The following DACH2 variants were observed in gnomAD, a reference collection of about 807,000 sequenced individuals.
DACH2 encodes dachshund homolog 2.
A neutral mutation model predicts 35.8 loss-of-function variants in DACH2; 17 were observed. The observed-to-expected ratio is 0.48, with a 90% CI of 0.33 to 0.71. The LOEUF (loss-of-function observed/expected upper bound fraction) is 0.71, where lower values mean the gene tolerates loss of function less well. Ranked by LOEUF, DACH2 falls within the 30% of genes least tolerant of loss-of-function variation. The probability of loss-of-function intolerance (pLI) is 0.02; values close to 1 mark genes in which losing one functional copy is unlikely to be tolerated. For synonymous variants in DACH2, 195 were observed against 177.3 expected, an observed-to-expected ratio of 1.10 and a Z score of -0.79; for missense variants, 469 against 472.7, an observed-to-expected ratio of 0.99 and a Z score of 0.07.
At chrX:86,556,498 T>C (rs1342850680) in intron 3 of DACH2, among the ~76,000 whole-genome samples, 2 of 109,218 alleles carry the variant, frequency 1.8e-5, no homozygotes, top group Non-Finnish European at 3.8e-5. Flanking sequence ...GTTCTAAATA[T>C]TGGCCAAAAG....
chrX:86,613,370 C>T (rs777639201), intron 3 of DACH2, among the ~76,000 whole-genome samples: 37 of 110,811 alleles, frequency 3.3e-4, no homozygotes, highest in African/African-American at 1.1e-3. Context: ...TTATGTTTAC[C>T]TTTACTCCGT....
chrX:86,525,469 T>G, intron 3 of DACH2, among the ~76,000 whole-genome samples: 1 of 111,957 alleles, frequency 8.9e-6, no homozygotes, highest in Non-Finnish European at 1.9e-5. Context: ...GTGGCTATAA[T>G]TTTTCCTTCT....
chrX:86,794,051 T>C (rs938470488), intron 7 of DACH2, among the ~76,000 whole-genome samples: 1 of 111,941 alleles, frequency 8.9e-6, no homozygotes, highest in African/African-American at 3.2e-5. Flanking sequence ...ACAGGTGCTA[T>C]GGGAAGCCAT....
intron 2 of DACH2, among the ~76,000 whole-genome samples, chrX:86,445,446 C>A (rs1177448021): frequency 1.1e-5 from 1 of 87,720 alleles, no homozygotes; most frequent in African/African-American, 4.2e-5. Context: ...CAGCATGGCA[C>A]ATGTATACAT....
In DACH2 at chrX:86,316,901, C is replaced by T. The variant is rs916518177; in HGVS notation, c.489-59923C>T. On this transcript the variant is annotated intron_variant, in intron 1 of 11. Transcript: ENST00000373125. The stretch of plus-strand genomic sequence containing the variant: ...TTGGGAGCCGGAGGCAGGTGGATCG[C>T]GAGGTCAGAAGTTCAATACCACCCT... 3.3e-4 allele frequency among the ~76,000 whole-genome samples: 36 copies of T among 110,406 alleles called. 1 individual carries two copies. Among genetic ancestry groups the T allele is most frequent in the African/African-American group, 9.9e-4 (30 of 30,225 alleles).
intron 1 of DACH2, among the ~76,000 whole-genome samples, chrX:86,251,129 A>G (rs1366578925): frequency 9.0e-6 from 1 of 110,904 alleles, no homozygotes; most frequent in Non-Finnish European, 1.9e-5. Context: ...ACCTTCCCTG[A>G]GCATAAAAAT....
intron 6 of DACH2, among the ~76,000 whole-genome samples, chrX:86,720,698 T>G (rs2041395226): frequency 8.9e-6 from 1 of 112,070 alleles, no homozygotes; most frequent in Non-Finnish European, 1.9e-5. Flanking sequence ...TAACATTCCA[T>G]GGTCTGGAAA....
At chrX:86,398,241 T>G (rs1370285657) in intron 2 of DACH2, among the ~76,000 whole-genome samples, 2 of 112,548 alleles carry the variant, frequency 1.8e-5, no homozygotes, top group African/African-American at 6.5e-5. Flanking sequence ...GATATCCCCT[T>G]TGTCATTTTT....
At chrX:86,749,333 G>A (rs189640107) in intron 7 of DACH2, among the ~76,000 whole-genome samples, 3 of 111,748 alleles carry the variant, frequency 2.7e-5, no homozygotes, top group Non-Finnish European at 1.9e-5. Flanking sequence ...TCCTTACTAA[G>A]CTTAATCATT....
chrX:86,754,112 C>T (rs2041803681), intron 7 of DACH2, among the ~76,000 whole-genome samples: 1 of 111,293 alleles, frequency 9.0e-6, no homozygotes, highest in Non-Finnish European at 1.9e-5. Flanking sequence ...AAGCAAGAAA[C>T]TAGAGATTAC....
At chrX:86,219,174 C>T (rs931565266) in intron 1 of DACH2, among the ~76,000 whole-genome samples, 2 of 111,683 alleles carry the variant, frequency 1.8e-5, no homozygotes, top group Non-Finnish European at 1.9e-5. Flanking sequence ...CCTTTAAGTG[C>T]GAACACTTCA....
intron 1 of DACH2, among the ~76,000 whole-genome samples, chrX:86,320,303 T>G (rs1245896572): frequency 8.9e-6 from 1 of 112,447 alleles, no homozygotes; most frequent in Non-Finnish European, 1.9e-5. Context: ...CACTTTCAAT[T>G]AAGCTGAGCG....
chrX:86,778,225 A>C (rs984975922), intron 7 of DACH2, among the ~76,000 whole-genome samples: 8 of 111,539 alleles, frequency 7.2e-5, no homozygotes, highest in African/African-American at 2.3e-4. Flanking sequence ...ACTGTTTTCC[A>C]TAATGGCTGT....
intron 2 of DACH2, among the ~76,000 whole-genome samples, chrX:86,400,845 C>T (rs1257055718): frequency 8.9e-6 from 1 of 112,359 alleles, no homozygotes; most frequent in Non-Finnish European, 1.9e-5. Flanking sequence ...CTTGAGGAGG[C>T]AATCTGCCCT....
At chrX:86,298,864 A>G (rs2034519201) in intron 1 of DACH2, among the ~76,000 whole-genome samples, 1 of 111,915 alleles carries the variant, frequency 8.9e-6, no homozygotes, top group African/African-American at 3.2e-5. Context: ...GTATATTACT[A>G]GATTTAAATA....
intron 4 of DACH2, among the ~76,000 whole-genome samples, chrX:86,680,647 C>A (rs762675926): frequency 6.2e-4 from 62 of 100,649 alleles, no homozygotes; most frequent in African/African-American, 2.2e-3. Flanking sequence ...CATAATGACT[C>A]ATTTCTTTTT....
chrX:86,305,427 C>G lies in DACH2; in HGVS notation c.489-71397C>G, dbSNP rs184020069. Reference sequence around the variant, plus strand: ...TCTTGCCTAGAAAAAAAAATAAACTCAAAATGGATTAAAGACTCAAATGTA... The same window carrying G: ...TCTTGCCTAGAAAAAAAAATAAACTGAAAATGGATTAAAGACTCAAATGTA... On this transcript the variant is annotated intron_variant, in intron 1 of 11. Coordinates refer to ENST00000373125, the MANE Select transcript of DACH2 (RefSeq NM_053281.3). Among the ~76,000 whole-genome samples, 557 of 111,533 alleles carry G rather than the reference C, an allele frequency of 5.0e-3. 2 individuals are homozygous for G. The highest frequency in any genetic ancestry group is 7.5e-3 in the Non-Finnish European group (399 of 53,067).
chrX:86,398,766 A>G (rs1194079321), intron 2 of DACH2, among the ~76,000 whole-genome samples: 2 of 111,716 alleles, frequency 1.8e-5, no homozygotes, highest in East Asian at 5.6e-4. Context: ...AGTTTGTTAC[A>G]ATTTCTGTTC....
chrX:86,342,145 C>T (rs1402315399), intron 1 of DACH2, among the ~76,000 whole-genome samples: 11 of 111,392 alleles, frequency 9.9e-5, no homozygotes. Context: ...TGACATACTA[C>T]AGGGAAATAT....
Sources: gnomAD v4.1 joint callset for allele counts (sites outside exome capture counted in the v4.1 genomes callset) on GRCh38, gnomAD v4.1.1 for gene constraint, MANE v1.5 for transcripts, NCBI Gene and HGNC (gene_info 2026-07-23, HGNC 2026-07-21) for gene names.